The following ZMYM2 variants were observed in gnomAD, a reference collection of about 807,000 sequenced individuals.
ZMYM2 encodes zinc finger MYM-type containing 2.
In ZMYM2, 56 loss-of-function variants were observed where a neutral mutation model predicts 162.8. The observed-to-expected ratio is 0.34, with a 90% CI of 0.28 to 0.43. The LOEUF (loss-of-function observed/expected upper bound fraction) is 0.43, where lower values mean the gene tolerates loss of function less well. ZMYM2 is among the 20% of genes least tolerant of loss of function. ZMYM2 has a pLI of 1.00. For missense variants in ZMYM2, 1,275 were observed against 1,621.8 expected (o/e 0.79, Z 3.67); for synonymous variants, 510 against 541.6 (o/e 0.94, Z 0.81).
intron 14 of ZMYM2, among the ~76,000 whole-genome samples, chr13:20,052,945 G>GT (rs1464609091): frequency 2.0e-5 from 3 of 152,160 alleles, no homozygotes; most frequent in Non-Finnish European, 2.9e-5. Flanking sequence ...AATTTTTTGA[G>GT]TTTAACAATT....
the ZMYM2 span, among the ~76,000 whole-genome samples, chr13:19,947,308 C>T: frequency 6.6e-6 from 1 of 152,114 alleles, no homozygotes; most frequent in South Asian, 2.1e-4. Flanking sequence ...GATCTGTCAG[C>T]CTCAGCCTCC....
intron 11 of ZMYM2, among the ~76,000 whole-genome samples, chr13:20,036,480 G>A (rs1953716129): frequency 6.6e-6 from 1 of 151,946 alleles, no homozygotes; most frequent in South Asian, 2.1e-4. Flanking sequence ...TGTTTAAATA[G>A]AACAAATAAA....
the ZMYM2 span, among the ~76,000 whole-genome samples, chr13:19,913,763 C>A: frequency 6.8e-4 from 103 of 152,220 alleles, no homozygotes; most frequent in African/African-American, 2.4e-3. Flanking sequence ...ACAACAAAAA[C>A]CAAAAAACAA....
At chr13:19,967,703 A>C (rs1160913724) in intron 2 of ZMYM2, among the ~76,000 whole-genome samples, 2 of 152,234 alleles carry the variant, frequency 1.3e-5, no homozygotes, top group Non-Finnish European at 2.9e-5. Context: ...GTCAGTTAAC[A>C]AATGAGTATG....
chr13:19,899,038 C>A, the ZMYM2 span, among the ~76,000 whole-genome samples: 1 of 151,546 alleles, frequency 6.6e-6, no homozygotes, highest in Non-Finnish European at 1.5e-5. Flanking sequence ...CTGCAGCCTC[C>A]GCCTCCCGGG....
the ZMYM2 span, among the ~76,000 whole-genome samples, chr13:19,872,303 C>T: frequency 6.6e-6 from 1 of 152,086 alleles, no homozygotes; most frequent in Non-Finnish European, 1.5e-5. Flanking sequence ...GTAATCCCAG[C>T]ACTTGGGAAG....
At chr13:19,868,815 A>G in the ZMYM2 span, among the ~76,000 whole-genome samples, 1 of 152,156 alleles carries the variant, frequency 6.6e-6, no homozygotes, top group Non-Finnish European at 1.5e-5. Context: ...CAGTGGCACA[A>G]TATCGGCTCA....
chr13:20,066,611 G>A, intron 19 of ZMYM2: 1 of 363,694 alleles, frequency 2.7e-6, no homozygotes, highest in Non-Finnish European at 4.9e-6. Flanking sequence ...TGAGTAGGCT[G>A]AGGAGGAAGA....
intron 2 of ZMYM2, among the ~76,000 whole-genome samples, chr13:19,983,091 G>A (rs1251945840): frequency 6.6e-6 from 1 of 151,710 alleles, no homozygotes; most frequent in East Asian, 1.9e-4. Flanking sequence ...TAAATCTTCC[G>A]GGTCTTTGGG....
At chr13:19,959,408 C>T (rs1350925261) in intron 1 of ZMYM2, among the ~76,000 whole-genome samples, 1 of 152,162 alleles carries the variant, frequency 6.6e-6, no homozygotes, top group African/African-American at 2.4e-5. Context: ...TTCCTCGGCG[C>T]TGCGCTGCGC....
In ZMYM2 at chr13:20,086,757, A is replaced by ATG. The variant is rs1308726810; in HGVS notation, c.*745_*746dup. The ATG allele has an allele frequency of 8.2e-6, 1 of 121,864 alleles. No homozygotes were observed. The highest frequency in any genetic ancestry group is 1.6e-5 in the Non-Finnish European group (1 of 60,938). 7.5% of individuals were successfully genotyped at this position (121,864 alleles called of 1,614,324 possible). A position where few individuals can be genotyped will look rare whatever the true frequency, so the allele number is the denominator to read the frequency against. ...CAAATATATATATGTATATATATGT[A>ATG]TGTATGTGTGTGTGTATATATATAT... On this transcript the variant is annotated 3_prime_UTR_variant, in exon 25 of 25. Coordinates refer to ENST00000610343, the MANE Select transcript of ZMYM2 (RefSeq NM_197968.4).
At chr13:19,960,304 G>C (rs1481021980) in intron 2 of ZMYM2, among the ~76,000 whole-genome samples, 1 of 152,228 alleles carries the variant, frequency 6.6e-6, no homozygotes, top group Non-Finnish European at 1.5e-5. Flanking sequence ...GGGAGGAGGG[G>C]TGGTGCGAAG....
rs374570432 is a variant in ZMYM2, at chr13:20,066,884, T to C, written c.3166T>C (p.Ser1056Pro). The C allele has an allele frequency of 3.1e-6, 5 of 1,610,178 alleles. No homozygotes were observed. In the African/African-American group the frequency reaches 6.7e-5, roughly 22 times the overall value. ...AKRKAVSGYQ[S>P]HDDSSDNSEC... ...GAGAAAGGCTGTATCAGGATACCAG[T>C]CTCATGATGATAGTTCTGACAATTC... Residue 1056 changes from serine to proline, a missense_variant, in exon 20 of 25, where the codon TCT becomes CCT. Transcript: ENST00000610343.
intron 18 of ZMYM2, 65 bp from the exon 19 acceptor site, chr13:20,064,386 G>T: frequency 2.1e-6 from 3 of 1,416,238 alleles, no homozygotes; most frequent in Non-Finnish European, 1.9e-6. Flanking sequence ...TTAGTTCTTT[G>T]TTGGCTGTGT....
intron 2 of ZMYM2, among the ~76,000 whole-genome samples, chr13:19,969,469 A>G (rs1235155169): frequency 1.3e-5 from 2 of 152,232 alleles, no homozygotes; most frequent in Non-Finnish European, 2.9e-5. Flanking sequence ...AATATAGTAT[A>G]AGGTCTTTTC....
At chr13:20,074,266 C>A (rs990491459) in intron 21 of ZMYM2, among the ~76,000 whole-genome samples, 2 of 151,632 alleles carry the variant, frequency 1.3e-5, no homozygotes, top group Admixed American at 6.6e-5. Flanking sequence ...GGGTCTCACT[C>A]TGGCGCCCAG....
At chr13:20,041,481 CAAT>C (rs1265022893) in intron 12 of ZMYM2, among the ~76,000 whole-genome samples, 1 of 152,082 alleles carries the variant, frequency 6.6e-6, no homozygotes, top group Non-Finnish European at 1.5e-5. Context: ...GATAGCATAC[CAAT>C]GGGTCTTGTT....
intron 21 of ZMYM2, among the ~76,000 whole-genome samples, chr13:20,069,817 A>G (rs1386884779): frequency 6.6e-6 from 1 of 151,124 alleles, no homozygotes; most frequent in Admixed American, 6.6e-5. Flanking sequence ...ACATTGTTCT[A>G]TGAACAACAA....
chr13:19,973,562 T>C (rs1956511758), intron 2 of ZMYM2, among the ~76,000 whole-genome samples: 1 of 151,244 alleles, frequency 6.6e-6, no homozygotes. Context: ...TCCCAGCTAC[T>C]TGAGAGGCTG....
Sources: gnomAD v4.1 joint callset for allele counts (sites outside exome capture counted in the v4.1 genomes callset) on GRCh38, gnomAD v4.1.1 for gene constraint, MANE v1.5 for transcripts, NCBI Gene and HGNC (gene_info 2026-07-23, HGNC 2026-07-21) for gene names.